Variants in SRD5A2 observed in about 807,000 individuals in gnomAD.
SRD5A2 encodes the protein 3-oxo-5-alpha-steroid 4-dehydrogenase 2.
In SRD5A2, 30 loss-of-function variants were observed where a neutral mutation model predicts 27.4. The observed-to-expected ratio is 1.10, with a 90% CI of 0.82 to 1.49. The LOEUF (loss-of-function observed/expected upper bound fraction) is 1.49. Among genes scored for constraint, SRD5A2 ranks in the 40% most tolerant of loss-of-function variants. SRD5A2 has a pLI of 0.00. For missense variants in SRD5A2, 348 were observed against 323.4 expected, an observed-to-expected ratio of 1.08 and a Z score of -0.58; for synonymous variants, 141 against 133.6, an observed-to-expected ratio of 1.06 and a Z score of -0.38.
At chr2:31,554,538 G>C (rs1250948641) in intron 1 of SRD5A2, among the ~76,000 whole-genome samples, 1 of 152,152 alleles carries the variant, frequency 6.6e-6, no homozygotes, top group African/African-American at 2.4e-5. Context: ...AGTTAGAGAA[G>C]AATCCTAAAA....
At chr2:31,662,855 T>C in the SRD5A2 span, among the ~76,000 whole-genome samples, 22 of 152,270 alleles carry the variant, frequency 1.4e-4, no homozygotes, top group Admixed American at 1.3e-3. Context: ...CTTGCAGTCT[T>C]ACCTTGTATG....
At chr2:31,530,095 C>G (rs1665873427) in intron 3 of SRD5A2, among the ~76,000 whole-genome samples, 1 of 152,104 alleles carries the variant, frequency 6.6e-6, no homozygotes, top group Non-Finnish European at 1.5e-5. Context: ...TTTCTTCTCT[C>G]AGGACTGTAT....
intron 1 of SRD5A2, among the ~76,000 whole-genome samples, chr2:31,565,055 C>A (rs1414562771): frequency 2.0e-5 from 3 of 151,584 alleles, no homozygotes; most frequent in African/African-American, 7.3e-5. Flanking sequence ...AAAACAACAA[C>A]AATAACATAA....
In SRD5A2 at chr2:31,524,839, C is replaced by A. The variant is rs750257557; in HGVS notation, c.*1357G>T. The A allele has an allele frequency of 4.4e-6, 1 of 226,786 alleles. No individual in the cohort carries two copies. Among genetic ancestry groups the A allele is most frequent in the Non-Finnish European group, 8.8e-6 (1 of 114,048 alleles). The allele number at this position is 226,786 out of a possible 1,614,324, so 14.0% of individuals were successfully genotyped here. ...CCAATTACAAGCGTTCGGCCCCTTCCTTAGAGAGTCCATATCTCAGCACTC... is the reference window on the plus strand; with the variant it reads ...CCAATTACAAGCGTTCGGCCCCTTCATTAGAGAGTCCATATCTCAGCACTC... On this transcript the variant is annotated 3_prime_UTR_variant, in exon 5 of 5. Coordinates refer to ENST00000622030, the MANE Select transcript of SRD5A2 (RefSeq NM_000348.4).
chr2:31,552,458 G>A (rs1337193059), intron 1 of SRD5A2, among the ~76,000 whole-genome samples: 4 of 152,030 alleles, frequency 2.6e-5, no homozygotes, highest in African/African-American at 9.7e-5. Context: ...TGACAGTACT[G>A]CCATAGTTTG....
At chr2:31,660,622 G>T in the SRD5A2 span, among the ~76,000 whole-genome samples, 4 of 151,912 alleles carry the variant, frequency 2.6e-5, no homozygotes, top group Admixed American at 6.6e-5. Flanking sequence ...ATGCACAGGT[G>T]GGGGCAGCAG....
At chr2:31,610,143 A>G in the SRD5A2 span, among the ~76,000 whole-genome samples, 1 of 152,162 alleles carries the variant, frequency 6.6e-6, no homozygotes, top group Non-Finnish European at 1.5e-5. Flanking sequence ...AAAATTGAAG[A>G]GGAGGGAATA....
intron 2 of SRD5A2, 115 bp downstream of exon 2, chr2:31,533,488 G>C (rs1052882815): frequency 2.9e-5 from 27 of 918,526 alleles, no homozygotes; most frequent in Non-Finnish European, 4.2e-5. Flanking sequence ...AGAGGTGAGG[G>C]AGGGGAAGAT....
the SRD5A2 span, among the ~76,000 whole-genome samples, chr2:31,628,197 G>C: frequency 6.6e-6 from 1 of 152,050 alleles, no homozygotes; most frequent in Admixed American, 6.6e-5. Context: ...AGGTCTTCTT[G>C]TTGAATCAAG....
the SRD5A2 span, among the ~76,000 whole-genome samples, chr2:31,615,743 TG>T: frequency 4.6e-5 from 7 of 152,060 alleles, no homozygotes; most frequent in African/African-American, 1.4e-4. Context: ...CCCAAGACAA[TG>T]GGGAAAATGT....
chr2:31,579,376 T>C (rs895280596), intron 1 of SRD5A2, among the ~76,000 whole-genome samples: 1 of 152,238 alleles, frequency 6.6e-6, no homozygotes, highest in Non-Finnish European at 1.5e-5. Context: ...AGGCATTCTT[T>C]ATCCTAATTT....
intron 1 of SRD5A2, among the ~76,000 whole-genome samples, chr2:31,552,079 C>G (rs1666392193): frequency 6.6e-6 from 1 of 151,528 alleles, no homozygotes; most frequent in East Asian, 1.9e-4. Context: ...AACTTTTGCA[C>G]TTCAGGGGAG....
intron 2 of SRD5A2, among the ~76,000 whole-genome samples, chr2:31,532,666 C>A (rs1572631066): frequency 6.7e-6 from 1 of 149,288 alleles, no homozygotes; most frequent in African/African-American, 2.5e-5. Context: ...AGGCAAAAAG[C>A]AAGAACAGTT....
At chr2:31,613,269 TAAAG>T in the SRD5A2 span, among the ~76,000 whole-genome samples, 2 of 151,992 alleles carry the variant, frequency 1.3e-5, no homozygotes, top group African/African-American at 4.8e-5. Context: ...ATACATCTGA[TAAAG>T]AACCAATATA....
intron 1 of SRD5A2, among the ~76,000 whole-genome samples, chr2:31,553,651 C>A (rs1278863956): frequency 6.6e-6 from 1 of 152,124 alleles, no homozygotes; most frequent in Non-Finnish European, 1.5e-5. Flanking sequence ...AATAAAACTG[C>A]CAATTCAACT....
chr2:31,638,835 T>C, the SRD5A2 span, among the ~76,000 whole-genome samples: 1 of 152,120 alleles, frequency 6.6e-6, no homozygotes, highest in South Asian at 2.1e-4. Flanking sequence ...TTGAAGACAG[T>C]ATATAATTGG....
chr2:31,646,821 G>A, the SRD5A2 span, among the ~76,000 whole-genome samples: 1 of 152,068 alleles, frequency 6.6e-6, no homozygotes, highest in South Asian at 2.1e-4. Context: ...TCTAACACTG[G>A]TTAAAACAAA....
chr2:31,565,802 T>C (rs546673389), intron 1 of SRD5A2, among the ~76,000 whole-genome samples: 3 of 151,916 alleles, frequency 2.0e-5, no homozygotes, highest in African/African-American at 7.2e-5. Context: ...GTAGAATAGG[T>C]AGAGAGAAAA....
At chr2:31,628,335 C>T in the SRD5A2 span, among the ~76,000 whole-genome samples, 3 of 152,104 alleles carry the variant, frequency 2.0e-5, no homozygotes, top group Non-Finnish European at 4.4e-5. Flanking sequence ...GATTTTTCTT[C>T]ATCCCTCTAC....
Sources: allele counts gnomAD v4.1 joint callset (sites outside exome capture counted in the v4.1 genomes callset), GRCh38; gene constraint gnomAD v4.1.1; transcripts MANE v1.5; gene names NCBI Gene and HGNC (gene_info 2026-07-23, HGNC 2026-07-21).